NRCAM: variants seen among roughly 807,000 people sequenced by gnomAD.
NRCAM encodes NgCAM-related cell adhesion molecule.
In NRCAM, 83 loss-of-function variants were observed where a neutral mutation model predicts 156.5. The observed-to-expected ratio is 0.53, with a 90% CI of 0.44 to 0.64. The LOEUF (loss-of-function observed/expected upper bound fraction) is 0.64. NRCAM is among the 30% of genes least tolerant of loss of function. The pLI is 0.00. For synonymous variants in NRCAM, 538 were observed against 563.9 expected (o/e 0.95, Z 0.65); for missense variants, 1,417 against 1,597.3 (o/e 0.89, Z 1.92).
intron 2 of NRCAM, among the ~76,000 whole-genome samples, chr7:108,382,886 C>T (rs561356745): frequency 1.3e-5 from 2 of 152,306 alleles, no homozygotes; most frequent in African/African-American, 4.8e-5. Context: ...ACTCACATTT[C>T]AATGACCTCT....
intron 11 of NRCAM, among the ~76,000 whole-genome samples, 156 bp from the exon 12 acceptor site, chr7:108,209,761 G>C (rs896858212): frequency 6.6e-6 from 1 of 152,262 alleles, no homozygotes; most frequent in East Asian, 1.9e-4. Flanking sequence ...TATAAATAAT[G>C]CTCACAGTTT....
chr7:108,230,708 C>T (rs1191639235), intron 8 of NRCAM, among the ~76,000 whole-genome samples: 2 of 150,282 alleles, frequency 1.3e-5, no homozygotes, highest in Admixed American at 1.3e-4. Flanking sequence ...TTCCTTAGGT[C>T]TCTGCTCAAA....
chr7:108,266,572 T>C (rs537118902), intron 3 of NRCAM, among the ~76,000 whole-genome samples: 3 of 152,302 alleles, frequency 2.0e-5, no homozygotes, highest in Non-Finnish European at 4.4e-5. Flanking sequence ...CTCAAAGAGA[T>C]AGAGTTCAAA....
chr7:108,246,048 C>G (rs1315912277), intron 3 of NRCAM, among the ~76,000 whole-genome samples: 1 of 152,190 alleles, frequency 6.6e-6, no homozygotes, highest in Non-Finnish European at 1.5e-5. Flanking sequence ...TATCTGATGA[C>G]AGTTGTCAGG....
In NRCAM at chr7:108,399,467, C is replaced by T. The variant is rs556753627; in HGVS notation, c.-205G>A. On this transcript the variant is annotated 5_prime_UTR_variant, in exon 2 of 33. Transcript: ENST00000379028. Reference sequence around the variant, plus strand: ...AAGGTCCACTGGGCTAGACACCTCCCAAATGTTTTTCTGATTTCTGAAGCT... The same window carrying T: ...AAGGTCCACTGGGCTAGACACCTCCTAAATGTTTTTCTGATTTCTGAAGCT... 5.9e-5 allele frequency: 9 copies of T among 152,118 alleles called. No individual in the cohort carries two copies. Among genetic ancestry groups the T allele is most frequent in the Non-Finnish European group, 1.2e-4 (8 of 68,026 alleles). The allele number at this position is 152,118 out of a possible 1,614,324, so 9.4% of individuals were successfully genotyped here.
intron 21 of NRCAM, 49 bp downstream of exon 21, chr7:108,184,368 A>G: frequency 6.2e-7 from 1 of 1,613,444 alleles, no homozygotes; most frequent in Non-Finnish European, 8.5e-7. Context: ...AGAGTGGAAA[A>G]CTTTTTTATT....
chr7:108,360,612 C>T (rs2099543299), intron 2 of NRCAM, among the ~76,000 whole-genome samples: 1 of 152,186 alleles, frequency 6.6e-6, no homozygotes, highest in African/African-American at 2.4e-5. Context: ...AAAGCTGCAG[C>T]AGTCAGGACA....
chr7:108,316,604 T>A (rs950950814), intron 2 of NRCAM, among the ~76,000 whole-genome samples: 1 of 151,488 alleles, frequency 6.6e-6, no homozygotes, highest in African/African-American at 2.4e-5. Flanking sequence ...TGAAACCCTG[T>A]CTCTACTAAA....
At chr7:108,390,163 G>A (rs976735848) in intron 2 of NRCAM, among the ~76,000 whole-genome samples, 4 of 152,076 alleles carry the variant, frequency 2.6e-5, no homozygotes, top group African/African-American at 9.7e-5. Context: ...GTAGAATTCG[G>A]CTATGAATCC....
At chr7:108,451,888 C>T (rs1013630413) in intron 1 of NRCAM, among the ~76,000 whole-genome samples, 2 of 152,118 alleles carry the variant, frequency 1.3e-5, no homozygotes, top group Non-Finnish European at 2.9e-5. Context: ...TGGCTGCACA[C>T]AATGTGAATG....
chr7:108,310,494 T>C (rs2098788304), intron 3 of NRCAM, among the ~76,000 whole-genome samples: 1 of 152,178 alleles, frequency 6.6e-6, no homozygotes, highest in South Asian at 2.1e-4. Flanking sequence ...GGATGTGGGA[T>C]GGGCCTGAGA....
chr7:108,280,802 G>A (rs780827451), intron 3 of NRCAM, among the ~76,000 whole-genome samples: 5 of 150,906 alleles, frequency 3.3e-5, no homozygotes, highest in Non-Finnish European at 7.4e-5. Context: ...AATAAGCTGG[G>A]TTTTAGTCTG....
At chr7:108,386,410 T>C (rs1226471120) in intron 2 of NRCAM, among the ~76,000 whole-genome samples, 1 of 152,178 alleles carries the variant, frequency 6.6e-6, no homozygotes, top group African/African-American at 2.4e-5. Flanking sequence ...CTCTAAGCAA[T>C]TAATTGATTG....
At position 108,177,357 on chromosome 7, in the gene NRCAM, C is replaced by T. The variant is rs149353699; in HGVS notation, c.2974+633G>A. On this transcript the variant is annotated intron_variant, in intron 26 of 32. Transcript: ENST00000379028. Reference sequence around the variant, plus strand: ...TTAAAGGGAAGGCTGGGCGCAGTGGCTCACGCCTGTAATCCCAGCACTTTG... The same window carrying T: ...TTAAAGGGAAGGCTGGGCGCAGTGGTTCACGCCTGTAATCCCAGCACTTTG... 5.6e-3 allele frequency among the ~76,000 whole-genome samples: 855 copies of T among 152,258 alleles called. 7 individuals carry two copies. The highest frequency in any genetic ancestry group is 0.02 in the African/African-American group (826 of 41,542).
At chr7:108,320,292 A>C (rs1265227951) in intron 2 of NRCAM, among the ~76,000 whole-genome samples, 1 of 152,006 alleles carries the variant, frequency 6.6e-6, no homozygotes, top group Non-Finnish European at 1.5e-5. Flanking sequence ...TCTCTGTGAA[A>C]AATAAAAATA....
In NRCAM at chr7:108,166,964, G is replaced by A; in HGVS notation, c.3423C>T (p.Asp1141=). 6.2e-7 allele frequency: 1 copy of A among 1,613,882 alleles called. No homozygotes were observed. The highest frequency in any genetic ancestry group is 1.3e-5 in the African/African-American group (1 of 75,020). The stretch of plus-strand genomic sequence containing the variant: ...CATCCTCTGAACTCACAAAACCAGA[G>A]TCCCCCACAGCACCAACTCGAACTT... The part of the protein sequence containing the change: ...AYKVRVGAVG[D]SGFVSSEDVF... Residue 1141 remains aspartate, a synonymous_variant, in exon 30 of 33, where the codon GAC becomes GAT. Coordinates refer to ENST00000379028, the MANE Select transcript of NRCAM (RefSeq NM_001037132.4).
chr7:108,176,752 T>C, intron 26 of NRCAM, 146 bp from the exon 27 acceptor site: 3 of 622,234 alleles, frequency 4.8e-6, no homozygotes, highest in Non-Finnish European at 8.3e-6. Flanking sequence ...CATAACTAAG[T>C]GATAACCTTT....
intron 2 of NRCAM, among the ~76,000 whole-genome samples, chr7:108,376,243 C>T (rs1288570683): frequency 6.6e-6 from 1 of 152,152 alleles, no homozygotes; most frequent in Non-Finnish European, 1.5e-5. Flanking sequence ...GAGCAGAGTG[C>T]CTAAGAGACT....
chr7:108,383,130 ACACGCTCT>A (rs1268968497), intron 2 of NRCAM, among the ~76,000 whole-genome samples: 2 of 108,452 alleles, frequency 1.8e-5, no homozygotes, highest in South Asian at 4.9e-4. Flanking sequence ...ACACACACAC[ACACGCTCT>A]CACACACACA....
Sources: gnomAD v4.1 joint callset for allele counts (sites outside exome capture counted in the v4.1 genomes callset) on GRCh38, gnomAD v4.1.1 for gene constraint, MANE v1.5 for transcripts, NCBI Gene and HGNC (gene_info 2026-07-23, HGNC 2026-07-21) for gene names.